BANK1: variants seen among roughly 807,000 people sequenced by gnomAD.
BANK1 encodes the protein B cell scaffold protein with ankyrin repeats 1.
Under a neutral mutation model 94.5 loss-of-function variants are expected in BANK1, and 95 were observed. The observed-to-expected ratio is 1.00, with a 90% CI of 0.85 to 1.19. The LOEUF is 1.19. Ranked by LOEUF, BANK1 falls within the 50% of genes most tolerant of loss-of-function variation. The pLI is 0.00. For synonymous variants in BANK1, 334 were observed against 308.4 expected, an observed-to-expected ratio of 1.08 and a Z score of -0.87; for missense variants, 987 against 932.2, an observed-to-expected ratio of 1.06 and a Z score of -0.77.
intron 7 of BANK1, among the ~76,000 whole-genome samples, chr4:101,945,698 T>A (rs890680642): frequency 4.0e-5 from 6 of 151,882 alleles, no homozygotes; most frequent in African/African-American, 1.4e-4. Context: ...CATGGTTGTA[T>A]CCTGAGTATT....
Position 102,030,346 on chromosome 4 carries a change from C to T in BANK1, c.1900+81C>T, listed in dbSNP as rs76322362. 73 of 1,331,000 alleles carry T rather than the reference C, an allele frequency of 5.5e-5. No homozygotes were observed. The African/African-American group carries it at 9.8e-4, about 18-fold the overall frequency. 82.4% of individuals were successfully genotyped at this position (1,331,000 alleles called of 1,614,324 possible). ...GATGGGAGGAGGGGATAAGGTGATG[C>T]AATTAATGCTCTAAAACTCCAAAGA... is the stretch of plus-strand genomic sequence containing the variant. On this transcript the variant is annotated intron_variant, in intron 10 of 16. Coordinates refer to ENST00000322953, the MANE Select transcript of BANK1 (RefSeq NM_017935.5).
chr4:101,806,321 C>T (rs1041388833), intron 1 of BANK1, among the ~76,000 whole-genome samples: 1 of 142,654 alleles, frequency 7.0e-6, no homozygotes, highest in Non-Finnish European at 1.5e-5. Flanking sequence ...TGCTCTCGCT[C>T]CATATAAATC....
rs533125658 is a variant in BANK1, at chr4:101,989,801, A to C, written c.1207-31713A>C. On this transcript the variant is annotated intron_variant, in intron 7 of 16. Transcript: ENST00000322953. ...CAGAGACGTGATGTCATGCCTTTCT[A>C]AGTGCATTATATCAAGAGACATGAT... Among the ~76,000 whole-genome samples the C allele has an allele frequency of 1.6e-4, 24 of 152,300 alleles. No individual in the cohort carries two copies. The South Asian group carries it at 3.3e-3, about 21-fold the overall frequency.
At chr4:101,833,948 T>A (rs1015293937) in intron 2 of BANK1, among the ~76,000 whole-genome samples, 3 of 152,162 alleles carry the variant, frequency 2.0e-5, no homozygotes, top group Non-Finnish European at 4.4e-5. Flanking sequence ...AGGAAAATTA[T>A]TTTTTTAAAT....
At chr4:101,853,003 T>C (rs1341138292) in intron 2 of BANK1, among the ~76,000 whole-genome samples, 1 of 152,186 alleles carries the variant, frequency 6.6e-6, no homozygotes, top group East Asian at 1.9e-4. Flanking sequence ...TTGAGCCAGT[T>C]TTATACAACC....
chr4:101,902,721 T>C (rs1187265099), intron 6 of BANK1, among the ~76,000 whole-genome samples: 3 of 152,252 alleles, frequency 2.0e-5, no homozygotes, highest in African/African-American at 7.2e-5. Flanking sequence ...AAATATTCCT[T>C]AGTGCTGTAT....
At chr4:102,068,600 G>A (rs532469577) in intron 13 of BANK1, among the ~76,000 whole-genome samples, 1 of 152,288 alleles carries the variant, frequency 6.6e-6, no homozygotes, top group Admixed American at 6.5e-5. Flanking sequence ...GCTGAGGCAG[G>A]TGGATCACCT....
chr4:101,829,958 A>G lies in BANK1; in HGVS notation c.221A>G (p.Asn74Ser), dbSNP rs770741399. The change falls in exon 2 of 17, where the codon AAC becomes AGC. Residue 74 changes from asparagine to serine, a missense_variant. Coordinates refer to ENST00000322953, the MANE Select transcript of BANK1 (RefSeq NM_017935.5). ...NFSFRHLELLNLTSYKCKLLI... is the reference protein window; with the variant it reads ...NFSFRHLELLSLTSYKCKLLI... The stretch of plus-strand genomic sequence containing the variant: ...TCTTTTCGGCATTTGGAGTTGCTGA[A>G]CTTAACGTCTTACAAATGTAAACTT... 1.2e-6 allele frequency: 2 copies of G among 1,613,982 alleles called. No homozygotes were observed. The highest frequency in any genetic ancestry group is 1.7e-5 in the Admixed American group (1 of 60,008).
chr4:101,915,276 GAATTA>G (rs1722791441), intron 6 of BANK1, among the ~76,000 whole-genome samples: 1 of 152,048 alleles, frequency 6.6e-6, no homozygotes, highest in East Asian at 1.9e-4. Flanking sequence ...CTAAATACTA[GAATTA>G]AATTAAATTT....
Position 101,850,547 on chromosome 4 carries a change from T to A in BANK1, c.470-4488T>A, listed in dbSNP as rs1033336882. On this transcript the variant is annotated intron_variant, in intron 2 of 16. Transcript: ENST00000322953. ...ATCTGCCTGCCCCAGCCTCCCAAAG[T>A]GCTGGTATTACAGGCATAAGCCACC... Among the ~76,000 whole-genome samples, 4 of 151,900 alleles carry A rather than the reference T, an allele frequency of 2.6e-5. No individual in the cohort carries two copies. In the South Asian group the frequency reaches 8.3e-4, roughly 32 times the overall value.
Position 102,063,143 on chromosome 4 carries a change from G to C in BANK1, c.2212+5G>C. On this transcript the variant is annotated splice_donor_5th_base_variant and intron_variant, in intron 13 of 16. Coordinates refer to ENST00000322953, the MANE Select transcript of BANK1 (RefSeq NM_017935.5). Reference sequence around the variant, plus strand: ...CAGAAGAAGAAAATGTCTATAGTAAGTAAGATTCGCCTGCTATTCAAAAAT... The same window carrying C: ...CAGAAGAAGAAAATGTCTATAGTAACTAAGATTCGCCTGCTATTCAAAAAT... 6.2e-7 allele frequency: 1 copy of C among 1,609,124 alleles called. No individual in the cohort carries two copies. Among genetic ancestry groups the C allele is most frequent in the Non-Finnish European group, 8.5e-7 (1 of 1,175,704 alleles).
intron 6 of BANK1, among the ~76,000 whole-genome samples, chr4:101,911,881 T>C (rs984475173): frequency 1.3e-5 from 2 of 152,160 alleles, no homozygotes; most frequent in South Asian, 2.1e-4. Context: ...AACACACAAA[T>C]TGTAGGTTTT....
At chr4:101,800,575 G>A (rs10446706) in intron 1 of BANK1, among the ~76,000 whole-genome samples, 39,941 of 151,812 alleles carry the variant, frequency 0.26, 5,610 homozygotes, top group Non-Finnish European at 0.32. Context: ...CATTTGCTTA[G>A]TAGTTACTGT....
chr4:101,809,361 G>A (rs1312592772), intron 1 of BANK1, among the ~76,000 whole-genome samples: 1 of 151,768 alleles, frequency 6.6e-6, no homozygotes, highest in African/African-American at 2.4e-5. Context: ...GGTTGGAGGG[G>A]GATGAGGGAT....
At chr4:102,063,746 G>C (rs1391080147) in intron 13 of BANK1, among the ~76,000 whole-genome samples, 1 of 151,188 alleles carries the variant, frequency 6.6e-6, no homozygotes, top group African/African-American at 2.4e-5. Context: ...CCCCCCGGAA[G>C]GCACAGAGAT....
At chr4:101,814,149 T>C (rs1725816967) in intron 1 of BANK1, among the ~76,000 whole-genome samples, 1 of 152,150 alleles carries the variant, frequency 6.6e-6, no homozygotes, top group Non-Finnish European at 1.5e-5. Context: ...TACTTGCCAA[T>C]GTAATTAATT....
intron 7 of BANK1, among the ~76,000 whole-genome samples, chr4:101,982,798 T>C (rs760637353): frequency 6.6e-6 from 1 of 151,946 alleles, no homozygotes; most frequent in Non-Finnish European, 1.5e-5. Flanking sequence ...TCATTAAGTA[T>C]AATTTAAAAA....
intron 7 of BANK1, among the ~76,000 whole-genome samples, chr4:102,010,059 G>A (rs1726436919): frequency 6.6e-6 from 1 of 152,110 alleles, no homozygotes; most frequent in South Asian, 2.1e-4. Context: ...GAAGTCAGGA[G>A]ATCGAGACCA....
In BANK1 at chr4:101,898,809, T is replaced by A. The variant is rs903747564; in HGVS notation, c.1009+3399T>A. The stretch of plus-strand genomic sequence containing the variant: ...ATAGGTCTTGGTCATTTTTTATTCC[T>A]CTCTAGACAATACACTCATGTTTTC... On this transcript the variant is annotated intron_variant, in intron 6 of 16. Coordinates refer to ENST00000322953, the MANE Select transcript of BANK1 (RefSeq NM_017935.5). Among the ~76,000 whole-genome samples the A allele has an allele frequency of 2.6e-5, 4 of 152,150 alleles. No individual in the cohort carries two copies. The South Asian group carries it at 8.3e-4, about 32-fold the overall frequency.
Sources: gnomAD v4.1 joint callset for allele counts (sites outside exome capture counted in the v4.1 genomes callset) on GRCh38, gnomAD v4.1.1 for gene constraint, MANE v1.5 for transcripts, NCBI Gene and HGNC (gene_info 2026-07-23, HGNC 2026-07-21) for gene names.